KDM6A: variants seen among roughly 807,000 people sequenced by gnomAD.
The protein encoded by KDM6A is lysine-specific demethylase 6A.
In KDM6A, 11 loss-of-function variants were observed where a neutral mutation model predicts 117.6. The observed-to-expected ratio is 0.09, with a 90% CI of 0.06 to 0.15. The LOEUF is 0.15. Ranked by LOEUF, KDM6A falls within the 10% of genes least tolerant of loss-of-function variation. The pLI is 1.00. For missense variants in KDM6A, 799 were observed against 1,077.3 expected, an observed-to-expected ratio of 0.74 and a Z score of 3.62; for synonymous variants, 384 against 396.1, an observed-to-expected ratio of 0.97 and a Z score of 0.36.
chrX:44,984,761 A>G (rs1284310001), intron 4 of KDM6A, among the ~76,000 whole-genome samples: 1 of 111,143 alleles, frequency 9.0e-6, no homozygotes, highest in Non-Finnish European at 1.9e-5. Context: ...GTTCTTTTCC[A>G]TTGGTCTGTA....
intron 27 of KDM6A, among the ~76,000 whole-genome samples, chrX:45,100,859 T>TA (rs1408575690): frequency 9.2e-6 from 1 of 108,283 alleles, no homozygotes; most frequent in Non-Finnish European, 1.9e-5. Flanking sequence ...TTTTTTTAAT[T>TA]AAAAAAATAA....
At chrX:44,937,719 C>T (rs769081557) in intron 2 of KDM6A, among the ~76,000 whole-genome samples, 5 of 111,916 alleles carry the variant, frequency 4.5e-5, no homozygotes, top group African/African-American at 1.3e-4. Context: ...TCTGAGTATT[C>T]AAGTGAAAGA....
At chrX:45,051,411 A>T (rs917517666) in intron 8 of KDM6A, among the ~76,000 whole-genome samples, 9 of 111,662 alleles carry the variant, frequency 8.1e-5, no homozygotes, top group Admixed American at 5.7e-4. Flanking sequence ...AATAAAATTG[A>T]GACCACTTAT....
chrX:44,979,217 A>G (rs944391532), intron 4 of KDM6A, among the ~76,000 whole-genome samples: 1 of 112,096 alleles, frequency 8.9e-6, no homozygotes, highest in African/African-American at 3.2e-5. Flanking sequence ...TATCTTCGTT[A>G]GCACTTGGTA....
chrX:44,919,429 GT>G (rs1487539708), intron 2 of KDM6A, among the ~76,000 whole-genome samples: 1 of 110,559 alleles, frequency 9.0e-6, no homozygotes, highest in African/African-American at 3.3e-5. Context: ...GGGGTTGCGA[GT>G]TTTTTGGAGG....
At chrX:45,013,305 T>C (rs964375406) in intron 5 of KDM6A, among the ~76,000 whole-genome samples, 2 of 111,819 alleles carry the variant, frequency 1.8e-5, no homozygotes, top group African/African-American at 6.5e-5. Flanking sequence ...CACATTGATA[T>C]AATCTTTATG....
intron 27 of KDM6A, among the ~76,000 whole-genome samples, chrX:45,091,870 GGTTT>G (rs1240216099): frequency 9.0e-6 from 1 of 111,449 alleles, no homozygotes; most frequent in African/African-American, 3.3e-5. Flanking sequence ...AAGTAATCCT[GGTTT>G]GTTAAAATGA....
intron 17 of KDM6A, among the ~76,000 whole-genome samples, chrX:45,066,706 C>T (rs1178409752): frequency 8.9e-6 from 1 of 112,004 alleles, no homozygotes; most frequent in Non-Finnish European, 1.9e-5. Flanking sequence ...ACTTCTTTGG[C>T]TCACTTAGTT....
At chrX:45,055,269 A>T (rs1364294589) in intron 10 of KDM6A, among the ~76,000 whole-genome samples, 1 of 110,693 alleles carries the variant, frequency 9.0e-6, no homozygotes, top group Non-Finnish European at 1.9e-5. Flanking sequence ...CATTAATTTT[A>T]ATTAATGTAA....
At chrX:44,944,608 C>T (rs2037526487) in intron 2 of KDM6A, among the ~76,000 whole-genome samples, 1 of 111,520 alleles carries the variant, frequency 9.0e-6, no homozygotes, top group Non-Finnish European at 1.9e-5. Context: ...CTCTTTTCAC[C>T]AGGGTTTTGT....
intron 2 of KDM6A, among the ~76,000 whole-genome samples, chrX:44,882,180 T>C (rs1212849087): frequency 8.9e-6 from 1 of 112,066 alleles, no homozygotes; most frequent in Non-Finnish European, 1.9e-5. Flanking sequence ...ATTAGATTTT[T>C]CTCTCTTTTT....
rs1379595549 is a variant in KDM6A, at chrX:44,922,095, T to G, written c.226-39189T>G. Reference sequence around the variant, plus strand: ...ACAGAGCCTGTTGCCCAGGCTGGAGTTCAGTGGCACAGTCTTGGCTCACTG... The same window carrying G: ...ACAGAGCCTGTTGCCCAGGCTGGAGGTCAGTGGCACAGTCTTGGCTCACTG... On this transcript the variant is annotated intron_variant, in intron 2 of 29. Transcript: ENST00000611820. Among the ~76,000 whole-genome samples the G allele has an allele frequency of 6.9e-5, 6 of 86,868 alleles. No homozygotes were observed. The Admixed American group carries it at 7.3e-4, about 11-fold the overall frequency. 75.4% of individuals were successfully genotyped at this position (86,868 alleles called of 115,157 possible).
chrX:44,998,022 A>G (rs762058383), intron 4 of KDM6A, among the ~76,000 whole-genome samples: 3 of 112,107 alleles, frequency 2.7e-5, no homozygotes, highest in Non-Finnish European at 5.6e-5. Context: ...TTATAAATCA[A>G]GCTAGATTGT....
chrX:44,921,129 T>A (rs1046087602), intron 2 of KDM6A, among the ~76,000 whole-genome samples: 28 of 111,047 alleles, frequency 2.5e-4, no homozygotes, highest in African/African-American at 8.2e-4. Context: ...TGCCTCGGCC[T>A]CCCAAAATGC....
At chrX:45,090,377 A>G (rs2045841789) in intron 26 of KDM6A, among the ~76,000 whole-genome samples, 1 of 112,161 alleles carries the variant, frequency 8.9e-6, no homozygotes, top group Non-Finnish European at 1.9e-5. Context: ...GATTAGGACC[A>G]GGATCTGGCT....
At chrX:45,108,760 A>G (rs2046627065) in intron 28 of KDM6A, among the ~76,000 whole-genome samples, 1 of 98,576 alleles carries the variant, frequency 1.0e-5, no homozygotes, top group African/African-American at 3.7e-5. Flanking sequence ...AAAATGTGGC[A>G]CATATACACC....
At chrX:44,981,474 C>T (rs1280550614) in intron 4 of KDM6A, among the ~76,000 whole-genome samples, 2 of 111,712 alleles carry the variant, frequency 1.8e-5, no homozygotes, top group African/African-American at 6.5e-5. Context: ...TAGGGACTTC[C>T]GCTTGTGCAG....
intron 4 of KDM6A, among the ~76,000 whole-genome samples, chrX:44,987,901 T>G (rs1352937602): frequency 9.0e-6 from 1 of 110,898 alleles, no homozygotes; most frequent in East Asian, 2.8e-4. Flanking sequence ...GTTGCTCTTC[T>G]CGAGGAGTAT....
At chrX:45,051,563 G>C in intron 8 of KDM6A, 146 bp from the exon 9 acceptor site, 2 of 426,751 alleles carry the variant, frequency 4.7e-6, no homozygotes, top group Non-Finnish European at 8.3e-6. Context: ...TGATGTTAAA[G>C]AAACATTCAA....
Sources: gnomAD v4.1 joint callset for allele counts (sites outside exome capture counted in the v4.1 genomes callset) on GRCh38, gnomAD v4.1.1 for gene constraint, MANE v1.5 for transcripts, NCBI Gene and HGNC (gene_info 2026-07-23, HGNC 2026-07-21) for gene names.